Variants in ZNF644 observed in about 807,000 individuals in gnomAD.
The protein encoded by ZNF644 is zinc finger motif enhancer binding protein 2.
In ZNF644, 20 loss-of-function variants were observed where a neutral mutation model predicts 108.0. The ratio of observed to expected loss-of-function variants is 0.19; its 90% CI spans 0.13 to 0.27. The LOEUF (loss-of-function observed/expected upper bound fraction) is 0.27. ZNF644 is among the 10% of genes least tolerant of loss of function. The pLI is 1.00. For missense variants in ZNF644, 1,338 were observed against 1,548.9 expected (o/e 0.86, Z 2.29); for synonymous variants, 542 against 539.1 (o/e 1.01, Z -0.08).
Position 90,937,653 on chromosome 1 carries a change from G to A in ZNF644, c.3520C>T (p.Leu1174Phe), listed in dbSNP as rs1651476964. 2 of 1,613,878 alleles carry A rather than the reference G, an allele frequency of 1.2e-6. No homozygotes were observed. The highest frequency in any genetic ancestry group is 1.7e-6 in the Non-Finnish European group (2 of 1,179,866). Residue 1174 changes from leucine to phenylalanine, a missense_variant, in exon 4 of 6, where the codon CTT (leucine) becomes TTT (phenylalanine). This residue lies in a region of ZNF644 where 287 missense variants were observed against 310.9 expected (regional missense o/e 0.92). Transcript: ENST00000337393. ...TCTCCCATCCTTTTATTTTTAAGAA[G>A]TTCTATGAGTGTAAGAGACTGATTC... Reference protein sequence around the residue: ...KKNQSLTLIELLKNKRMGEER... With the variant: ...KKNQSLTLIEFLKNKRMGEER...
Position 90,937,938 on chromosome 1 carries a change from G to A in ZNF644, c.3235C>T (p.Leu1079=), listed in dbSNP as rs11542004. The change falls in exon 4 of 6, where the codon CTG becomes TTG. Residue 1079 remains leucine (L), a synonymous_variant. Transcript: ENST00000337393. Reference sequence around the variant, plus strand: ...TCTTCATTTTGCATCATCTCATTCAGAACACAGATTGGAGATTTGTGAGCA... The same window carrying A: ...TCTTCATTTTGCATCATCTCATTCAAAACACAGATTGGAGATTTGTGAGCA... ...WDAHKSPICV[L]NEMMQNEEKY... is the part of the protein sequence containing the mutation. 26 of 1,613,418 alleles carry A rather than the reference G, an allele frequency of 1.6e-5. 1 individual carries two copies. Among genetic ancestry groups the A allele is most frequent in the African/African-American group, 1.6e-4 (12 of 74,968 alleles).
chr1:90,925,733 G>A (rs543199681), intron 4 of ZNF644, among the ~76,000 whole-genome samples: 1 of 151,904 alleles, frequency 6.6e-6, no homozygotes, highest in Non-Finnish European at 1.5e-5. Flanking sequence ...TGAAACCAAT[G>A]AGCAGCAAAA....
chr1:90,966,562 C>A (rs1037526054), intron 2 of ZNF644, among the ~76,000 whole-genome samples: 3 of 151,888 alleles, frequency 2.0e-5, no homozygotes, highest in South Asian at 2.1e-4. Context: ...CCAGCCTGGG[C>A]AACATAGTGA....
chr1:90,957,805 T>A (rs1653898779), intron 2 of ZNF644, among the ~76,000 whole-genome samples: 2 of 152,020 alleles, frequency 1.3e-5, no homozygotes, highest in African/African-American at 2.4e-5. Flanking sequence ...ATAAAAGGCA[T>A]CCAAATTGGA....
In ZNF644 at chr1:91,000,871, C is replaced by T. The variant is rs373661206; in HGVS notation, c.-17-18501G>A. On this transcript the variant is annotated intron_variant, in intron 1 of 5. Coordinates refer to ENST00000337393, the MANE Select transcript of ZNF644 (RefSeq NM_201269.3). ...AGGGGATATCACCACCGATCCCACA[C>T]AAATACAAACTACCACCAGAGAATA... Among the ~76,000 whole-genome samples the T allele has an allele frequency of 1.1e-3, 160 of 152,014 alleles. 1 individual carries two copies. Among genetic ancestry groups the T allele is most frequent in the Non-Finnish European group, 1.7e-3 (113 of 67,954 alleles).
chr1:91,008,654 A>G (rs1052489163), intron 1 of ZNF644, among the ~76,000 whole-genome samples: 4 of 152,200 alleles, frequency 2.6e-5, no homozygotes, highest in African/African-American at 4.8e-5. Flanking sequence ...TGAAATCTCT[A>G]GGTCCCAGTG....
At chr1:90,925,696 G>T (rs1272121629) in intron 4 of ZNF644, among the ~76,000 whole-genome samples, 1 of 150,576 alleles carries the variant, frequency 6.6e-6, no homozygotes, top group Admixed American at 6.6e-5. Context: ...AAAACAAGAT[G>T]TCAGTCAAAA....
At chr1:91,019,475 T>C (rs557816625) in intron 1 of ZNF644, among the ~76,000 whole-genome samples, 10 of 152,296 alleles carry the variant, frequency 6.6e-5, no homozygotes, top group African/African-American at 2.2e-4. Flanking sequence ...AAAAGCAACA[T>C]TGCTCTGAAA....
At chr1:91,019,532 G>A (rs1426980326) in intron 1 of ZNF644, among the ~76,000 whole-genome samples, 1 of 152,104 alleles carries the variant, frequency 6.6e-6, no homozygotes, top group Non-Finnish European at 1.5e-5. Context: ...TTCACTGAAA[G>A]TCACTTTAAA....
intron 2 of ZNF644, among the ~76,000 whole-genome samples, chr1:90,941,540 T>C (rs1046013663): frequency 6.6e-6 from 1 of 152,156 alleles, no homozygotes; most frequent in Non-Finnish European, 1.5e-5. Context: ...CAATACGTCA[T>C]GTATACAAAA....
intron 1 of ZNF644, among the ~76,000 whole-genome samples, chr1:90,994,735 T>C (rs1657981863): frequency 6.6e-6 from 1 of 152,194 alleles, no homozygotes; most frequent in African/African-American, 2.4e-5. Flanking sequence ...GTAGAACAGC[T>C]GGAAATTAGT....
At chr1:90,983,798 G>A (rs1419109142) in intron 1 of ZNF644, among the ~76,000 whole-genome samples, 2 of 152,158 alleles carry the variant, frequency 1.3e-5, no homozygotes, top group African/African-American at 2.4e-5. Context: ...GTGGTGGCAC[G>A]CGCCCGTAGT....
intron 1 of ZNF644, among the ~76,000 whole-genome samples, chr1:91,016,712 T>C (rs1297379764): frequency 1.3e-5 from 2 of 152,236 alleles, no homozygotes; most frequent in African/African-American, 2.4e-5. Context: ...AAATAATTGA[T>C]AGACTACAGG....
At position 90,916,559 on chromosome 1, in the gene ZNF644, A is replaced by T. The variant is rs1648782791; in HGVS notation, c.*239T>A. 5.8e-6 allele frequency: 3 copies of T among 519,746 alleles called. No homozygotes were observed. The East Asian group carries it at 1.1e-4, about 18-fold the overall frequency. The allele number at this position is 519,746 out of a possible 1,614,324, so 32.2% of individuals were successfully genotyped here. ...GCTTACATGTACTGCTCTTTTACTG[A>T]GTGAACACAGTTAACCAACAAAACT... On this transcript the variant is annotated 3_prime_UTR_variant, in exon 6 of 6. Transcript: ENST00000337393.
At chr1:90,936,332 A>G (rs1244127594) in intron 4 of ZNF644, among the ~76,000 whole-genome samples, 1 of 152,174 alleles carries the variant, frequency 6.6e-6, no homozygotes, top group Non-Finnish European at 1.5e-5. Context: ...CTTGGTCAAC[A>G]CAGCTAACAC....
At chr1:90,928,124 G>C (rs1650271168) in intron 4 of ZNF644, among the ~76,000 whole-genome samples, 1 of 151,548 alleles carries the variant, frequency 6.6e-6, no homozygotes, top group Non-Finnish European at 1.5e-5. Context: ...TGGGATTACA[G>C]GTGTTAGCCA....
At chr1:90,984,478 C>A (rs975993741) in intron 1 of ZNF644, among the ~76,000 whole-genome samples, 1 of 151,814 alleles carries the variant, frequency 6.6e-6, no homozygotes, top group African/African-American at 2.4e-5. Context: ...AACTCTGCCT[C>A]CCAGGTTCAA....
At chr1:90,977,660 C>A (rs1003573409) in intron 2 of ZNF644, among the ~76,000 whole-genome samples, 4 of 152,068 alleles carry the variant, frequency 2.6e-5, no homozygotes, top group African/African-American at 9.7e-5. Flanking sequence ...AGTGGTACAA[C>A]CTCATTGCAG....
At chr1:90,962,071 G>C (rs1408875679) in intron 2 of ZNF644, among the ~76,000 whole-genome samples, 1 of 152,076 alleles carries the variant, frequency 6.6e-6, no homozygotes. Flanking sequence ...ATTTCAGTCT[G>C]AGTGAGCTAA....
Sources: gnomAD v4.1 joint callset for allele counts (sites outside exome capture counted in the v4.1 genomes callset) on GRCh38, gnomAD v4.1.1 for gene constraint, gnomAD v4.1.1 regional missense constraint, MANE v1.5 for transcripts, NCBI Gene and HGNC (gene_info 2026-07-23, HGNC 2026-07-21) for gene names.